Variants in CEP15 observed in about 807,000 individuals in gnomAD.
CEP15 encodes the protein centrosomal protein 15, also known as centrosomal protein 15 kDa.
the CEP15 span, among the ~76,000 whole-genome samples, chr3:62,331,977 T>C: frequency 1.3e-5 from 2 of 152,146 alleles, no homozygotes; most frequent in Non-Finnish European, 2.9e-5. Flanking sequence ...TAATGACCTT[T>C]CTCAAATACA....
At chr3:62,329,708 A>G in the CEP15 span, among the ~76,000 whole-genome samples, 20 of 152,288 alleles carry the variant, frequency 1.3e-4, no homozygotes, top group South Asian at 2.9e-3. Context: ...GCTCTCCTGT[A>G]AGAGAGATAA....
the CEP15 span, chr3:62,322,083 T>C: frequency 6.3e-7 from 1 of 1,584,156 alleles, no homozygotes; most frequent in East Asian, 2.3e-5. The surrounding 1 kb of genome is among the most constrained non-coding windows in gnomAD (Gnocchi z 5.5). Flanking sequence ...ATATAGAGAT[T>C]TATCCCACCT....
chr3:62,323,219 G>C, the CEP15 span, among the ~76,000 whole-genome samples: 1 of 152,146 alleles, frequency 6.6e-6, no homozygotes, highest in Non-Finnish European at 1.5e-5. Flanking sequence ...CAGAGCTCTT[G>C]ATATCAAGAA....
At chr3:62,333,567 A>G in the CEP15 span, 25 of 615,340 alleles carry the variant, frequency 4.1e-5, no homozygotes, top group Non-Finnish European at 4.9e-5. This position sits in a 1 kb window ranked among gnomAD's most constrained non-coding sequence, Gnocchi z 4.0. Context: ...CTACTATTTC[A>G]AGGTCATGAA....
the CEP15 span, among the ~76,000 whole-genome samples, chr3:62,326,618 T>C: frequency 4.6e-5 from 7 of 152,166 alleles, no homozygotes; most frequent in Non-Finnish European, 8.8e-5. Context: ...TATACCATCA[T>C]CCACACTGGG....
chr3:62,326,130 G>A, the CEP15 span, among the ~76,000 whole-genome samples: 4 of 151,946 alleles, frequency 2.6e-5, no homozygotes, highest in Admixed American at 2.6e-4. Flanking sequence ...AGAAAGTGCT[G>A]CAGCCGGTGA....
chr3:62,333,701 TCTC>T, the CEP15 span: 6 of 198,300 alleles, frequency 3.0e-5, no homozygotes, highest in Non-Finnish European at 5.0e-5. The surrounding 1 kb of genome is among the most constrained non-coding windows in gnomAD (Gnocchi z 4.0). Flanking sequence ...TTACAATCAT[TCTC>T]CTCTAAGCAG....
At chr3:62,335,335 G>C in the CEP15 span, 1 of 151,820 alleles carries the variant, frequency 6.6e-6, no homozygotes, top group East Asian at 1.9e-4. Flanking sequence ...CTGCTGTAGT[G>C]TTTTTCCCAT....
chr3:62,325,871 A>G, the CEP15 span, among the ~76,000 whole-genome samples: 3 of 152,080 alleles, frequency 2.0e-5, no homozygotes, highest in Non-Finnish European at 4.4e-5. Context: ...TAAAAATACA[A>G]AAATTAGCAG....
the CEP15 span, among the ~76,000 whole-genome samples, chr3:62,328,587 A>C: frequency 6.6e-6 from 1 of 152,198 alleles, no homozygotes; most frequent in African/African-American, 2.4e-5. Context: ...CTATAAGACA[A>C]AGAAACAAAG....
chr3:62,327,368 T>A, the CEP15 span, among the ~76,000 whole-genome samples: 1 of 152,228 alleles, frequency 6.6e-6, no homozygotes, highest in African/African-American at 2.4e-5. Context: ...CTATCAAAAA[T>A]TCGTAATTAA....
At chr3:62,331,585 G>T in the CEP15 span, among the ~76,000 whole-genome samples, 1 of 152,136 alleles carries the variant, frequency 6.6e-6, no homozygotes, top group Non-Finnish European at 1.5e-5. Flanking sequence ...TAACTGAGAA[G>T]TATCTTGATT....
chr3:62,319,376 C>T, the CEP15 span: 2 of 152,126 alleles, frequency 1.3e-5, no homozygotes, highest in African/African-American at 4.8e-5. Flanking sequence ...AAAAGGAAAC[C>T]GAGAGGAAGG....
At chr3:62,333,502 C>T in the CEP15 span, 4 of 1,185,376 alleles carry the variant, frequency 3.4e-6, no homozygotes, top group African/African-American at 6.2e-5. The surrounding 1 kb of genome is among the most constrained non-coding windows in gnomAD (Gnocchi z 4.0). Context: ...TCGATTATCT[C>T]CTAAGTGACA....
chr3:62,322,934 C>G, the CEP15 span, among the ~76,000 whole-genome samples: 1 of 152,094 alleles, frequency 6.6e-6, no homozygotes, highest in Non-Finnish European at 1.5e-5. This position sits in a 1 kb window ranked among gnomAD's most constrained non-coding sequence, Gnocchi z 5.5. Flanking sequence ...ATAGTGCTAC[C>G]AAAGCATTCT....
chr3:62,330,376 G>A, the CEP15 span, among the ~76,000 whole-genome samples: 1 of 152,042 alleles, frequency 6.6e-6, no homozygotes, highest in Admixed American at 6.6e-5. Flanking sequence ...AATTTATATG[G>A]CCTGTGACCA....
the CEP15 span, among the ~76,000 whole-genome samples, chr3:62,329,161 A>G: frequency 3.3e-5 from 5 of 152,212 alleles, no homozygotes; most frequent in Non-Finnish European, 5.9e-5. Context: ...TGGAAAGGCT[A>G]GGAGAGATAT....
At chr3:62,335,435 C>G in the CEP15 span, 3 of 126,022 alleles carry the variant, frequency 2.4e-5, no homozygotes, top group Non-Finnish European at 4.9e-5. Context: ...TAGACTGTAA[C>G]AGATTGCACC....
the CEP15 span, chr3:62,335,450 G>T: frequency 2.9e-5 from 4 of 136,804 alleles, no homozygotes; most frequent in African/African-American, 1.1e-4. Flanking sequence ...TGCACCACAT[G>T]GTGTCTGTTT....
Sources: gnomAD v4.1 joint callset for allele counts (sites outside exome capture counted in the v4.1 genomes callset) on GRCh38, gnomAD v4.1.1 for gene constraint, Gnocchi (gnomAD v3.1) non-coding constraint, MANE v1.5 for transcripts, NCBI Gene and HGNC (gene_info 2026-07-23, HGNC 2026-07-21) for gene names.